Variants in POM121 observed in about 807,000 individuals in gnomAD.
POM121 encodes nuclear envelope pore membrane protein POM 121.
POM121 carries 32 observed loss-of-function variants against 81.3 expected under a neutral mutation model. The ratio of observed to expected loss-of-function variants is 0.39; its 90% CI spans 0.30 to 0.53. POM121 has a LOEUF of 0.53. POM121 is among the 20% of genes least tolerant of loss of function. The probability of loss-of-function intolerance (pLI) is 0.66; values close to 1 mark genes in which losing one functional copy is unlikely to be tolerated. For missense variants in POM121, 1,138 were observed against 1,614.6 expected (o/e 0.70, Z 5.06); for synonymous variants, 514 against 694.2 (o/e 0.74, Z 4.08).
At chr7:72,882,738 TACAA>T (rs1297505152) in intron 1 of POM121, among the ~76,000 whole-genome samples, 2 of 152,248 alleles carry the variant, frequency 1.3e-5, no homozygotes, top group African/African-American at 4.8e-5. Flanking sequence ...CAGCAAACAA[TACAA>T]ACAGTTACTC....
At position 72,926,877 on chromosome 7, in the gene POM121, A is replaced by G; in HGVS notation, c.936A>G (p.Val312=). 6.2e-7 allele frequency: 1 copy of G among 1,614,034 alleles called. No homozygotes were observed. Among genetic ancestry groups the G allele is most frequent in the Non-Finnish European group, 8.5e-7 (1 of 1,179,876 alleles). ...NAPDPCAKET[V]LSALKEKEKK... is the part of the protein sequence containing the mutation. ...CAGACCCATGTGCAAAGGAGACAGT[A>G]CTGAGTGCCCTCAAAGAGAAGGAGA... Residue 312 remains valine, a synonymous_variant, in exon 3 of 13, where the codon GTA becomes GTG. Transcript: ENST00000434423.
chr7:72,920,229 A>G (rs1173626469), upstream of POM121, among the ~76,000 whole-genome samples: 2 of 152,096 alleles, frequency 1.3e-5, no homozygotes, highest in Non-Finnish European at 2.9e-5. Flanking sequence ...TTGGATCAAA[A>G]TAAGGATTGA....
At position 72,943,216 on chromosome 7, in the gene POM121, G is replaced by A; in HGVS notation, c.3223G>A (p.Ala1075Thr). The A allele has an allele frequency of 1.4e-5, 22 of 1,613,012 alleles. No homozygotes were observed. The highest frequency in any genetic ancestry group is 1.8e-5 in the Non-Finnish European group (21 of 1,179,774). The change falls in exon 11 of 13, where the codon GCC (alanine) becomes ACC (threonine). Residue 1075 changes from alanine (A) to threonine (T), a missense_variant. By Grantham distance (58) the Ala-to-Thr change is moderately conservative (BLOSUM62 0). This residue lies in a region of POM121 where 336 missense variants were observed against 344.3 expected (regional missense o/e 0.98). Transcript: ENST00000434423. ...TGCAGCCACCAGCTCCGGCTTTGGA[G>A]CCACCACCCAGACCGCCAGCAGCGG... is the stretch of plus-strand genomic sequence containing the variant. The part of the protein sequence containing the change: ...FGAATSSGFG[A>T]TTQTASSGSS...
chr7:72,928,310 A>G, intron 3 of POM121, 75 bp from the exon 4 acceptor site: 3 of 1,574,612 alleles, frequency 1.9e-6, no homozygotes, highest in Non-Finnish European at 2.6e-6. Context: ...ATAAGGTCCC[A>G]GAAATATGAG....
At chr7:72,948,741 G>A (rs565519391), downstream of POM121, 92 of 1,550,358 alleles carry the variant, frequency 5.9e-5, no homozygotes, top group East Asian at 1.2e-3. Context: ...GAAGCCCGGA[G>A]GCAGTGCTCG....
In POM121 at chr7:72,941,780, AATAC is replaced by A. The variant is rs1797096122; in HGVS notation, c.1844-56_1844-53del. ...GCGTGGGGAGGACACTGAAATACTGAATACCATCATCTTTGAAGTGTTTATTCCA... is the reference window on the plus strand; with the variant it reads ...GCGTGGGGAGGACACTGAAATACTGACATCATCTTTGAAGTGTTTATTCCA... On this transcript the variant is annotated intron_variant, in intron 10 of 12. Coordinates refer to ENST00000434423, the MANE Select transcript of POM121 (RefSeq NM_001387691.1). 3 of 1,564,476 alleles carry A rather than the reference AATAC, an allele frequency of 1.9e-6. No homozygotes were observed. The African/African-American group carries it at 4.1e-5, about 21-fold the overall frequency.
rs1554497022 is a variant in POM121 at position 72,925,425 on chromosome 7, C to G, written c.304C>G (p.Arg102Gly). The G allele has an allele frequency of 1.3e-6, 2 of 1,533,818 alleles. No homozygotes were observed. Among genetic ancestry groups the G allele is most frequent in the Non-Finnish European group, 1.7e-6 (2 of 1,146,590 alleles). Reference sequence around the variant, plus strand: ...CTCCTTCGTTCGGAAGGCGCGTCATCGGCGAACACTGTTCGCTTCGCCTCT... The same window carrying G: ...CTCCTTCGTTCGGAAGGCGCGTCATGGGCGAACACTGTTCGCTTCGCCTCT... The part of the protein sequence containing the change: ...LSSFVRKARH[R>G]RTLFASPLAK... The change falls in exon 1 of 13, where the codon CGG becomes GGG. Residue 102 changes from arginine to glycine, a missense_variant. By Grantham distance (125) the Arg-to-Gly change is moderately radical. Around this residue, in one of 7 missense-constraint regions of POM121, gnomAD observed 646 missense variants for 633.5 expected, o/e 1.02. Coordinates refer to ENST00000434423, the MANE Select transcript of POM121 (RefSeq NM_001387691.1).
At chr7:72,941,746 C>G (rs1797089842) in intron 10 of POM121, 91 bp from the exon 11 acceptor site, 3 of 1,479,360 alleles carry the variant, frequency 2.0e-6, no homozygotes, top group African/African-American at 2.8e-5. Context: ...ATCCCAGGCT[C>G]TGTGGTAGGC....
downstream of POM121, chr7:72,948,788 G>A (rs151304264): frequency 6.3e-7 from 1 of 1,575,386 alleles, no homozygotes; most frequent in South Asian, 1.1e-5. Context: ...GTGGGGCCGG[G>A]CAGGCAGGGC....
intron 1 of POM121, among the ~76,000 whole-genome samples, chr7:72,882,142 G>A (rs1387224676): frequency 6.6e-6 from 1 of 152,158 alleles, no homozygotes; most frequent in Non-Finnish European, 1.5e-5. Flanking sequence ...TTCTCACACT[G>A]CTATAGAGAA....
chr7:72,944,488 C>T (rs552209412), intron 11 of POM121, among the ~76,000 whole-genome samples: 274 of 152,074 alleles, frequency 1.8e-3, no homozygotes, highest in African/African-American at 6.3e-3. Context: ...TGATCAGTTT[C>T]CAGGCAGTTT....
chr7:72,887,852 A>G (rs1790887862), intron 1 of POM121, among the ~76,000 whole-genome samples: 1 of 152,026 alleles, frequency 6.6e-6, no homozygotes, highest in Admixed American at 6.6e-5. Flanking sequence ...AAAAACAAAA[A>G]CAAAAAAACA....
At chr7:72,912,737 C>T (rs1793926945) in intron 3 of POM121, among the ~76,000 whole-genome samples, 1 of 152,160 alleles carries the variant, frequency 6.6e-6, no homozygotes, top group Non-Finnish European at 1.5e-5. Context: ...CGAGATCGCG[C>T]CACTGTACTC....
Position 72,946,890 on chromosome 7 carries a change from C to G in POM121, c.*656C>G, listed in dbSNP as rs1313715900. On this transcript the variant is annotated 3_prime_UTR_variant, in exon 13 of 13. Coordinates refer to ENST00000434423, the MANE Select transcript of POM121 (RefSeq NM_001387691.1). Reference sequence around the variant, plus strand: ...CCTGAATCAATGTTTCATCTCCAACCCTCTGCCAGTTTGGCCCCTCAGAGC... The same window carrying G: ...CCTGAATCAATGTTTCATCTCCAACGCTCTGCCAGTTTGGCCCCTCAGAGC... 1.1e-5 allele frequency: 10 copies of G among 936,516 alleles called. No homozygotes were observed. In the African/African-American group the frequency reaches 2.0e-4, roughly 19 times the overall value. The allele number at this position is 936,516 out of a possible 1,614,324, so 58.0% of individuals were successfully genotyped here.
In POM121 at chr7:72,925,737, C is replaced by T. The variant is rs782442599; in HGVS notation, c.616C>T (p.Leu206Phe). Residue 206 changes from leucine to phenylalanine, a missense_variant, in exon 1 of 13, where the codon CTC becomes TTC. Coordinates refer to ENST00000434423, the MANE Select transcript of POM121 (RefSeq NM_001387691.1). Reference sequence around the variant, plus strand: ...TTACCCCTCTCTGCCCACTCCTCTTCTCCGACCCTCCAGGAGGCCTTCCCC... The same window carrying T: ...TTACCCCTCTCTGCCCACTCCTCTTTTCCGACCCTCCAGGAGGCCTTCCCC... ...HVYPSLPTPL[L>F]RPSRRPSPRD... The T allele has an allele frequency of 1.6e-6, 2 of 1,233,848 alleles. No individual in the cohort carries two copies. The highest frequency in any genetic ancestry group is 5.4e-5 in the East Asian group (1 of 18,526). 76.4% of individuals were successfully genotyped at this position (1,233,848 alleles called of 1,614,324 possible). A position where few individuals can be genotyped will look rare whatever the true frequency, so the allele number is the denominator to read the frequency against.
In POM121 at chr7:72,943,013, C is replaced by A. The variant is rs1554502020; in HGVS notation, c.3020C>A (p.Pro1007His). 4.3e-6 allele frequency: 7 copies of A among 1,613,684 alleles called. No individual in the cohort carries two copies. Among genetic ancestry groups the A allele is most frequent in the Non-Finnish European group, 5.9e-6 (7 of 1,179,840 alleles). ...AACTCTGCAGCCCCGGCTGCTGCAC[C>A]CACACCTGCACCTCCGTCCATGATC... The part of the protein sequence containing the change: ...FGNSAAPAAA[P>H]TPAPPSMIKV... Residue 1007 changes from proline to histidine, a missense_variant, in exon 11 of 13, where the codon CCC (proline) becomes CAC (histidine). Physicochemically the swap from Pro to His is moderately conservative, Grantham distance 77 (BLOSUM62 -2). Around this residue, in one of 7 missense-constraint regions of POM121, gnomAD observed 336 missense variants for 344.3 expected, o/e 0.98. Transcript: ENST00000434423.
At chr7:72,884,420 C>A (rs1436832948) in intron 1 of POM121, among the ~76,000 whole-genome samples, 74 of 150,948 alleles carry the variant, frequency 4.9e-4, no homozygotes, top group Non-Finnish European at 9.3e-4. Flanking sequence ...CAGACGGAAT[C>A]CCTTTAAGTT....
intron 4 of POM121, among the ~76,000 whole-genome samples, chr7:72,918,241 G>A (rs1473538587): frequency 1.3e-5 from 2 of 151,890 alleles, no homozygotes; most frequent in African/African-American, 4.8e-5. Context: ...AAACTCCCCC[G>A]GGGAAAGGGA....
At chr7:72,901,218 CTTT>C (rs781884870) in intron 3 of POM121, among the ~76,000 whole-genome samples, 4 of 139,152 alleles carry the variant, frequency 2.9e-5, no homozygotes, top group Admixed American at 1.4e-4. Context: ...TTCTTTTTTT[CTTT>C]TTTTTTTTTT....
Sources: gnomAD v4.1 joint callset for allele counts (sites outside exome capture counted in the v4.1 genomes callset) on GRCh38, gnomAD v4.1.1 for gene constraint, gnomAD v4.1.1 regional missense constraint, MANE v1.5 for transcripts, NCBI Gene and HGNC (gene_info 2026-07-23, HGNC 2026-07-21) for gene names.